Variants in BICD1 observed in about 807,000 individuals in gnomAD.
The protein encoded by BICD1 is BICD cargo adaptor 1, also known as protein bicaudal D homolog 1.
In BICD1, 35 loss-of-function variants were observed where a neutral mutation model predicts 92.5. The ratio of observed to expected loss-of-function variants is 0.38; its 90% confidence interval spans 0.29 to 0.50. The LOEUF is 0.50. Among genes scored for constraint, BICD1 ranks in the 20% least tolerant of loss-of-function variants. The pLI, the probability that BICD1 is intolerant of heterozygous loss-of-function variation, is 0.93. For missense variants in BICD1, 950 were observed against 1,189.8 expected (o/e 0.80, Z 2.97); for synonymous variants, 429 against 465.1 (o/e 0.92, Z 1.00).
At chr12:32,112,728 C>T (rs926838922) in intron 1 of BICD1, among the ~76,000 whole-genome samples, 4 of 152,104 alleles carry the variant, frequency 2.6e-5, no homozygotes, top group Admixed American at 2.0e-4. Flanking sequence ...GCCATGGCCA[C>T]ATTTTGTCTT....
intron 1 of BICD1, chr12:32,108,462 G>A: frequency 2.2e-6 from 1 of 455,848 alleles, no homozygotes; most frequent in Non-Finnish European, 3.9e-6. Flanking sequence ...AAGTAACTCG[G>A]TCTTTTTTAT....
At chr12:32,370,183 A>G (rs993032277) in intron 9 of BICD1, among the ~76,000 whole-genome samples, 4 of 152,072 alleles carry the variant, frequency 2.6e-5, no homozygotes, top group Non-Finnish European at 4.4e-5. Flanking sequence ...CTTGGCCAAC[A>G]TGGTGAAACC....
chr12:32,261,800 C>T (rs1185767773), intron 2 of BICD1, among the ~76,000 whole-genome samples: 3 of 152,260 alleles, frequency 2.0e-5, no homozygotes, highest in Non-Finnish European at 4.4e-5. Context: ...AGTAGTGAGG[C>T]CCCCTTGTGC....
chr12:32,296,304 C>A, intron 3 of BICD1, among the ~76,000 whole-genome samples: 1 of 124,942 alleles, frequency 8.0e-6, no homozygotes, highest in Non-Finnish European at 1.6e-5. Flanking sequence ...CGTCACCAGG[C>A]TGGAGTGCAG....
At chr12:32,350,664 G>A (rs1938827335) in intron 8 of BICD1, among the ~76,000 whole-genome samples, 1 of 152,116 alleles carries the variant, frequency 6.6e-6, no homozygotes, top group Admixed American at 6.6e-5. Flanking sequence ...GCATATCTCT[G>A]TGTTCTGTCC....
chr12:32,324,058 C>T (rs113087281), intron 4 of BICD1, among the ~76,000 whole-genome samples: 12,957 of 152,102 alleles, frequency 0.085, 607 homozygotes, highest in Middle Eastern at 0.13. Flanking sequence ...GGGCCGGGCG[C>T]GGTGGCTCAC....
intron 1 of BICD1, among the ~76,000 whole-genome samples, chr12:32,201,636 C>T (rs1391607499): frequency 6.6e-6 from 1 of 151,848 alleles, no homozygotes; most frequent in Non-Finnish European, 1.5e-5. Flanking sequence ...AAGTTTTCTT[C>T]CTTTTATTTA....
At position 32,383,554 on chromosome 12, in the gene BICD1, T is replaced by A. The variant is rs1360066894; in HGVS notation, c.*5927T>A. On this transcript the variant is annotated 3_prime_UTR_variant, in exon 10 of 10. Coordinates refer to ENST00000652176, the MANE Select transcript of BICD1 (RefSeq NM_001714.4). Reference sequence around the variant, plus strand: ...AAGCCAATATATCGATTCTTATATCTCGGTTTATGTTACCAACTGAATATG... The same window carrying A: ...AAGCCAATATATCGATTCTTATATCACGGTTTATGTTACCAACTGAATATG... 1 of 152,192 alleles carries A rather than the reference T, an allele frequency of 6.6e-6. No individual in the cohort carries two copies. Among genetic ancestry groups the A allele is most frequent in the Non-Finnish European group, 1.5e-5 (1 of 68,022 alleles). 9.4% of individuals were successfully genotyped at this position (152,192 alleles called of 1,614,324 possible).
chr12:32,346,584 GTGTA>G (rs1380765730), intron 8 of BICD1, among the ~76,000 whole-genome samples: 5 of 2,446 alleles, frequency 2.0e-3, no homozygotes, highest in African/African-American at 3.6e-3. Flanking sequence ...ATATATATAC[GTGTA>G]TATATATATA....
intron 2 of BICD1, among the ~76,000 whole-genome samples, chr12:32,223,208 C>G (rs12050000): frequency 6.6e-6 from 1 of 152,202 alleles, no homozygotes; most frequent in Non-Finnish European, 1.5e-5. Context: ...TCTCACCTCT[C>G]TCAGCCTTCA....
intron 1 of BICD1, among the ~76,000 whole-genome samples, chr12:32,202,256 C>T (rs932702736): frequency 1.3e-5 from 2 of 152,104 alleles, no homozygotes; most frequent in African/African-American, 4.8e-5. Flanking sequence ...TAGTTTGAGA[C>T]CCAAAACCTG....
At chr12:32,198,263 G>A (rs946590498) in intron 1 of BICD1, among the ~76,000 whole-genome samples, 4 of 145,850 alleles carry the variant, frequency 2.7e-5, no homozygotes, top group African/African-American at 7.5e-5. Flanking sequence ...TACCCTTAAA[G>A]TTTTTACGGC....
intron 4 of BICD1, among the ~76,000 whole-genome samples, chr12:32,308,261 C>T (rs1160526368): frequency 6.6e-6 from 1 of 152,176 alleles, no homozygotes; most frequent in Non-Finnish European, 1.5e-5. Flanking sequence ...GAAGGTTTAG[C>T]GTCTCTGATC....
intron 2 of BICD1, among the ~76,000 whole-genome samples, chr12:32,221,363 A>G (rs939975340): frequency 2.7e-5 from 4 of 150,880 alleles, no homozygotes; most frequent in African/African-American, 9.7e-5. Flanking sequence ...AAAAAAATAA[A>G]TAAATAAATA....
intron 8 of BICD1, among the ~76,000 whole-genome samples, chr12:32,358,811 C>T (rs1939217019): frequency 6.6e-6 from 1 of 152,168 alleles, no homozygotes; most frequent in South Asian, 2.1e-4. Context: ...AAATGTATCT[C>T]ATAGAGTTTT....
In BICD1 at chr12:32,107,327, G is replaced by C; in HGVS notation, c.-5G>C. 6.3e-7 allele frequency: 1 copy of C among 1,594,974 alleles called. No individual in the cohort carries two copies. The highest frequency in any genetic ancestry group is 1.1e-5 in the South Asian group (1 of 87,682). ...AACCCCCTCCTGCCTCCATCCACCG[G>C]GGCTATGGCCGCAGAAGAGGTATTG... is the stretch of plus-strand genomic sequence containing the variant. On this transcript the variant is annotated 5_prime_UTR_variant, in exon 1 of 10. Transcript: ENST00000652176.
intron 9 of BICD1, among the ~76,000 whole-genome samples, chr12:32,373,721 A>G (rs1309881634): frequency 6.6e-6 from 1 of 151,250 alleles, no homozygotes; most frequent in Admixed American, 6.6e-5. Flanking sequence ...AAAAAAAAAA[A>G]TACAAAAAAT....
intron 2 of BICD1, among the ~76,000 whole-genome samples, chr12:32,290,118 T>TA (rs933492931): frequency 2.3e-4 from 34 of 147,462 alleles, no homozygotes; most frequent in Middle Eastern, 3.4e-3. Flanking sequence ...CCAGACAGCC[T>TA]AGAAGCATTC....
intron 9 of BICD1, among the ~76,000 whole-genome samples, chr12:32,369,013 T>A (rs1939630233): frequency 6.6e-6 from 1 of 152,218 alleles, no homozygotes; most frequent in Non-Finnish European, 1.5e-5. Flanking sequence ...AAAACTGAAT[T>A]TGAAAGGTGG....
Sources: allele counts gnomAD v4.1 joint callset (sites outside exome capture counted in the v4.1 genomes callset), GRCh38; gene constraint gnomAD v4.1.1; transcripts MANE v1.5; gene names NCBI Gene and HGNC (gene_info 2026-07-23, HGNC 2026-07-21).